TOM1L1: variants seen among roughly 807,000 people sequenced by gnomAD.
TOM1L1 encodes TOM1-like protein 1.
TOM1L1 carries 64 observed loss-of-function variants against 63.4 expected under a neutral mutation model. That is an observed-to-expected ratio of 1.01 (90% CI 0.83 to 1.24). The LOEUF is 1.24. Ranked by LOEUF, TOM1L1 falls within the 50% of genes most tolerant of loss-of-function variation. The pLI is 0.00. For synonymous variants in TOM1L1, 166 were observed against 194.4 expected (o/e 0.85, Z 1.22); for missense variants, 536 against 567.0 (o/e 0.95, Z 0.55).
intron 7 of TOM1L1, among the ~76,000 whole-genome samples, chr17:54,923,817 A>G (rs1326840406): frequency 6.6e-6 from 1 of 151,888 alleles, no homozygotes; most frequent in Non-Finnish European, 1.5e-5. Flanking sequence ...AAGTTGTATT[A>G]TAGCTTTTTA....
Position 54,929,741 on chromosome 17 carries a change from G to GTTTTTT in TOM1L1, c.721-322_721-317dup, listed in dbSNP as rs61518775. Among the ~76,000 whole-genome samples the GTTTTTT allele has an allele frequency of 1.6e-3, 228 of 141,998 alleles. 2 individuals are homozygous for GTTTTTT. Among genetic ancestry groups the GTTTTTT allele is most frequent in the Middle Eastern group, 3.8e-3 (1 of 262 alleles). The allele number at this position is 141,998 out of a possible 152,430, so 93.2% of individuals were successfully genotyped here. Reference sequence around the variant, plus strand: ...GAAAACTGAGATTTAAAAAACATGTGTTTTTTTTTTTTTTTCCCCAACATG... The same window carrying GTTTTTT: ...GAAAACTGAGATTTAAAAAACATGTGTTTTTTTTTTTTTTTTTTTTTCCCCAACATG... On this transcript the variant is annotated intron_variant, in intron 7 of 15. Coordinates refer to ENST00000575882, the MANE Select transcript of TOM1L1 (RefSeq NM_005486.3).
chr17:54,937,090 T>TC lies in TOM1L1; in HGVS notation c.916-19_916-18insC. 1.3e-6 allele frequency: 2 copies of TC among 1,574,272 alleles called. No individual in the cohort carries two copies. Among genetic ancestry groups the TC allele is most frequent in the Non-Finnish European group, 1.7e-6 (2 of 1,150,566 alleles). On this transcript the variant is annotated intron_variant, in intron 9 of 15. Coordinates refer to ENST00000575882, the MANE Select transcript of TOM1L1 (RefSeq NM_005486.3). ...GATAAACTACATGACACTTTTTTTT[T>TC]TTTTTGCTTTGTTTTCAGACTACCA...
intron 7 of TOM1L1, among the ~76,000 whole-genome samples, chr17:54,920,006 A>G (rs199778209): frequency 7.0e-6 from 1 of 142,582 alleles, no homozygotes; most frequent in Non-Finnish European, 1.5e-5. Context: ...TTATTTATTT[A>G]TTTTATTTAT....
chr17:54,945,976 C>T (rs1213571046), intron 11 of TOM1L1, among the ~76,000 whole-genome samples: 2 of 152,112 alleles, frequency 1.3e-5, no homozygotes, highest in African/African-American at 4.8e-5. Context: ...TATTAGGAGA[C>T]TCTTGGTCTT....
intron 3 of TOM1L1, among the ~76,000 whole-genome samples, chr17:54,911,607 C>G (rs1282319540): frequency 6.6e-6 from 1 of 152,078 alleles, no homozygotes; most frequent in Non-Finnish European, 1.5e-5. Flanking sequence ...CTTTTTTGAC[C>G]AGCACTGTCA....
At chr17:54,905,074 G>C (rs1358162606) in intron 2 of TOM1L1, among the ~76,000 whole-genome samples, 2 of 152,164 alleles carry the variant, frequency 1.3e-5, no homozygotes, top group East Asian at 3.8e-4. Flanking sequence ...CTAGTTTGTT[G>C]TAATTCCTGT....
chr17:54,907,180 C>G (rs1251780316), intron 3 of TOM1L1, among the ~76,000 whole-genome samples: 2 of 145,124 alleles, frequency 1.4e-5, no homozygotes, highest in Non-Finnish European at 3.0e-5. Context: ...GACCTCTTAC[C>G]TGTCCTTAAC....
At chr17:54,939,919 C>T (rs1276261989) in intron 11 of TOM1L1, among the ~76,000 whole-genome samples, 1 of 152,156 alleles carries the variant, frequency 6.6e-6, no homozygotes, top group African/African-American at 2.4e-5. Context: ...GGAACTAGAA[C>T]TTGCCCAAGT....
chr17:54,923,213 T>C (rs1331449271), intron 7 of TOM1L1, among the ~76,000 whole-genome samples: 6 of 152,234 alleles, frequency 3.9e-5, no homozygotes, highest in African/African-American at 1.4e-4. Context: ...CAGGTTTTTC[T>C]TTGAATACCT....
intron 7 of TOM1L1, among the ~76,000 whole-genome samples, chr17:54,925,732 C>T (rs952527023): frequency 1.3e-5 from 2 of 152,092 alleles, no homozygotes; most frequent in African/African-American, 2.4e-5. Context: ...GGTGAAACCC[C>T]GTCTCTACTA....
At position 54,932,872 on chromosome 17, in the gene TOM1L1, T is replaced by G. The variant is rs188529045; in HGVS notation, c.854+2666T>G. Among the ~76,000 whole-genome samples, 4 of 152,368 alleles carry G rather than the reference T, an allele frequency of 2.6e-5. No homozygotes were observed. In the East Asian group the frequency reaches 7.7e-4, roughly 29 times the overall value. On this transcript the variant is annotated intron_variant, in intron 8 of 15. Coordinates refer to ENST00000575882, the MANE Select transcript of TOM1L1 (RefSeq NM_005486.3). The stretch of plus-strand genomic sequence containing the variant: ...TGGCTTTCATTTTGGAGAATTCTAT[T>G]GCAAACCATGAGACCATTGCCTAAA...
chr17:54,955,572 GA>G (rs1472223527), intron 14 of TOM1L1, among the ~76,000 whole-genome samples: 1 of 152,162 alleles, frequency 6.6e-6, no homozygotes, highest in Non-Finnish European at 1.5e-5. Context: ...TCAGGCCACA[GA>G]CAAGTAAGAA....
At chr17:54,922,385 T>C (rs1472616397) in intron 7 of TOM1L1, among the ~76,000 whole-genome samples, 1 of 152,004 alleles carries the variant, frequency 6.6e-6, no homozygotes, top group Non-Finnish European at 1.5e-5. Flanking sequence ...GGCAGGAGGA[T>C]TGCTTGCATC....
At chr17:54,926,408 C>T (rs973883899) in intron 7 of TOM1L1, among the ~76,000 whole-genome samples, 12 of 152,134 alleles carry the variant, frequency 7.9e-5, no homozygotes, top group Admixed American at 3.9e-4. Context: ...GGCCACCTTC[C>T]TCTTATCTTG....
intron 7 of TOM1L1, among the ~76,000 whole-genome samples, chr17:54,926,571 C>T (rs888125469): frequency 3.3e-5 from 5 of 151,454 alleles, no homozygotes; most frequent in African/African-American, 1.2e-4. Context: ...GAAAGCCTTA[C>T]TCTAACTTAC....
chr17:54,912,145 C>A (rs996633248), intron 3 of TOM1L1, among the ~76,000 whole-genome samples: 1 of 152,166 alleles, frequency 6.6e-6, no homozygotes, highest in African/African-American at 2.4e-5. Context: ...TTTTGCAAAG[C>A]CCAGCTTCCA....
Position 54,915,803 on chromosome 17 carries a change from G to A in TOM1L1, c.661G>A (p.Ala221Thr), listed in dbSNP as rs775884635. The A allele has an allele frequency of 1.3e-5, 21 of 1,613,306 alleles. No individual in the cohort carries two copies. Among genetic ancestry groups the A allele is most frequent in the Admixed American group, 1.7e-5 (1 of 59,886 alleles). ...MVKMNVRVMSAILMENTPGSE... is the reference protein window; with the variant it reads ...MVKMNVRVMSTILMENTPGSE... ...GAAAATGAATGTGCGAGTGATGTCC[G>A]CCATATTGATGGAGAATACTCCTGG... Residue 221 changes from alanine to threonine, a missense_variant, in exon 7 of 16, where the codon GCC (alanine) becomes ACC (threonine). By Grantham distance (58) the Ala-to-Thr change is moderately conservative (BLOSUM62 0). Transcript: ENST00000575882.
Position 54,947,230 on chromosome 17 carries a change from G to A in TOM1L1, c.1131-31G>A, listed in dbSNP as rs956860435. The A allele has an allele frequency of 4.3e-6, 7 of 1,611,000 alleles. No individual in the cohort carries two copies. In the South Asian group the frequency reaches 6.6e-5, roughly 15 times the overall value. On this transcript the variant is annotated intron_variant, in intron 11 of 15. Coordinates refer to ENST00000575882, the MANE Select transcript of TOM1L1 (RefSeq NM_005486.3). Reference sequence around the variant, plus strand: ...TTTGCATTTGTGTTCTCACTGTAGGGTAATCATTCTGTGTTATCACACTAT... The same window carrying A: ...TTTGCATTTGTGTTCTCACTGTAGGATAATCATTCTGTGTTATCACACTAT...
At chr17:54,944,993 T>C (rs1024851736) in intron 11 of TOM1L1, among the ~76,000 whole-genome samples, 1 of 152,156 alleles carries the variant, frequency 6.6e-6, no homozygotes, top group African/African-American at 2.4e-5. Context: ...TATCTCACAG[T>C]TCTGGAGGCA....
Sources: allele counts gnomAD v4.1 joint callset (sites outside exome capture counted in the v4.1 genomes callset), GRCh38; gene constraint gnomAD v4.1.1; transcripts MANE v1.5; gene names NCBI Gene and HGNC (gene_info 2026-07-23, HGNC 2026-07-21).